The following ZNF33B variants were observed in gnomAD, a reference collection of about 807,000 sequenced individuals.
The protein encoded by ZNF33B is zinc finger protein 11b (KOX 2).
In ZNF33B, 29 loss-of-function variants were observed where a neutral mutation model predicts 45.8. The ratio of observed to expected loss-of-function variants is 0.63; its 90% CI spans 0.47 to 0.86. ZNF33B has a LOEUF of 0.86. Among genes scored for constraint, ZNF33B ranks in the 40% least tolerant of loss-of-function variants. ZNF33B has a pLI of 0.00. For missense variants in ZNF33B, 831 were observed against 909.9 expected (o/e 0.91, Z 1.12); for synonymous variants, 305 against 307.8 (o/e 0.99, Z 0.10).
intron 4 of ZNF33B, among the ~76,000 whole-genome samples, chr10:42,609,970 G>C (rs889792754): frequency 6.6e-6 from 1 of 151,920 alleles, no homozygotes; most frequent in Non-Finnish European, 1.5e-5. Context: ...AATAATGAAA[G>C]GTACAATGAT....
At position 42,593,603 on chromosome 10, in the gene ZNF33B, G is replaced by C. The variant is rs762064903; in HGVS notation, c.1347C>G (p.Ser449=). Residue 449 remains serine, a synonymous_variant, in exon 5 of 5, where the codon TCC becomes TCG. Coordinates refer to ENST00000359467, the MANE Select transcript of ZNF33B (RefSeq NM_006955.3). ...CTGTAAGGTGTGAATTCATACAGAA[G>C]GATTTTCCACATTCATAACATTCAT... ...KPYECYECGK[S]FCMNSHLTVH... The C allele has an allele frequency of 6.2e-7, 1 of 1,613,932 alleles. No individual in the cohort carries two copies. Among genetic ancestry groups the C allele is most frequent in the East Asian group, 2.2e-5 (1 of 44,874 alleles).
chr10:42,581,684 T>C (rs1471519435), intron 1 of ZNF33B: 1 of 152,114 alleles, frequency 6.6e-6, no homozygotes, highest in Non-Finnish European at 1.5e-5. Context: ...TGAAGTGACA[T>C]ATTGAGAGAA....
intron 4 of ZNF33B, among the ~76,000 whole-genome samples, chr10:42,611,789 T>C (rs926565561): frequency 5.9e-5 from 9 of 152,292 alleles, no homozygotes; most frequent in Middle Eastern, 3.4e-3. Flanking sequence ...AAAAAAGGAA[T>C]TGATTTTTCT....
At chr10:42,610,877 A>C (rs1838070535) in intron 4 of ZNF33B, among the ~76,000 whole-genome samples, 1 of 152,360 alleles carries the variant, frequency 6.6e-6, no homozygotes, top group Admixed American at 6.5e-5. Context: ...GAAAGTTAGA[A>C]GACATACACT....
chr10:42,623,168 G>A (rs1391574440), intron 4 of ZNF33B, among the ~76,000 whole-genome samples: 1 of 152,232 alleles, frequency 6.6e-6, no homozygotes, highest in African/African-American at 2.4e-5. Flanking sequence ...TCGGGAAGCT[G>A]AGGCAGGAGA....
At chr10:42,603,389 T>C (rs1380905313) in intron 4 of ZNF33B, among the ~76,000 whole-genome samples, 1 of 152,126 alleles carries the variant, frequency 6.6e-6, no homozygotes, top group Non-Finnish European at 1.5e-5. Flanking sequence ...AGGGTAGCAG[T>C]TCTATGACAG....
At chr10:42,606,464 CA>C (rs1837856048) in intron 4 of ZNF33B, among the ~76,000 whole-genome samples, 1 of 151,782 alleles carries the variant, frequency 6.6e-6, no homozygotes, top group Admixed American at 6.6e-5. Flanking sequence ...GACTCCATCT[CA>C]GGGGGAAAAA....
chr10:42,609,655 T>C (rs953976179), intron 4 of ZNF33B, among the ~76,000 whole-genome samples: 2 of 152,142 alleles, frequency 1.3e-5, no homozygotes, highest in Non-Finnish European at 2.9e-5. Flanking sequence ...TACAGACCTA[T>C]AAATCCTCAA....
chr10:42,594,784 G>A, intron 4 of ZNF33B, 85 bp from the exon 5 acceptor site: 1 of 1,403,576 alleles, frequency 7.1e-7, no homozygotes, highest in Non-Finnish European at 9.3e-7. Flanking sequence ...GCCCTATGTT[G>A]TAGCTGACTC....
downstream of ZNF33B, among the ~76,000 whole-genome samples, chr10:42,585,795 C>T (rs1031018409): frequency 6.6e-6 from 1 of 152,198 alleles, no homozygotes; most frequent in Non-Finnish European, 1.5e-5. Flanking sequence ...GTTTAAGCCT[C>T]TTGGTTGTCT....
rs1204201658 is a variant in ZNF33B at position 42,636,908 on chromosome 10, T to C, written c.9+12A>G. On this transcript the variant is annotated intron_variant, in intron 2 of 4. Transcript: ENST00000359467. ...ACCGCAAAATAAAGTAGGGAATTAATAAACAACTTACCTTGTTCATTTTGT... is the reference window on the plus strand; with the variant it reads ...ACCGCAAAATAAAGTAGGGAATTAACAAACAACTTACCTTGTTCATTTTGT... The C allele has an allele frequency of 3.7e-6, 6 of 1,614,210 alleles. No homozygotes were observed. Among genetic ancestry groups the C allele is most frequent in the Non-Finnish European group, 5.1e-6 (6 of 1,180,020 alleles).
At chr10:42,620,759 A>G (rs6593439) in intron 4 of ZNF33B, among the ~76,000 whole-genome samples, 3,204 of 152,066 alleles carry the variant, frequency 0.021, 81 homozygotes, top group African/African-American at 0.063. Context: ...TTAAAATCCA[A>G]AGACACAAAT....
chr10:42,595,758 A>C (rs187940662), intron 4 of ZNF33B, among the ~76,000 whole-genome samples: 9 of 152,306 alleles, frequency 5.9e-5, no homozygotes, highest in Admixed American at 1.3e-4. Context: ...GTGTAAGGAC[A>C]CCAGAAGAAA....
intron 4 of ZNF33B, among the ~76,000 whole-genome samples, chr10:42,612,504 G>A (rs1260544611): frequency 6.6e-6 from 1 of 152,042 alleles, no homozygotes; most frequent in Non-Finnish European, 1.5e-5. Flanking sequence ...CCAAAGTGCT[G>A]GGATTACAGG....
chr10:42,615,442 T>C (rs934374024), intron 4 of ZNF33B, among the ~76,000 whole-genome samples: 2 of 152,194 alleles, frequency 1.3e-5, no homozygotes, highest in Non-Finnish European at 2.9e-5. Flanking sequence ...CTTGAATATG[T>C]TATGCTAAGA....
At position 42,592,267 on chromosome 10, in the gene ZNF33B, A is replaced by C; in HGVS notation, c.*346T>G. The C allele has an allele frequency of 2.2e-6, 1 of 458,284 alleles. No individual in the cohort carries two copies. The highest frequency in any genetic ancestry group is 3.1e-6 in the Non-Finnish European group (1 of 323,724). 28.4% of individuals were successfully genotyped at this position (458,284 alleles called of 1,614,324 possible). A position where few individuals can be genotyped will look rare whatever the true frequency, so the allele number is the denominator to read the frequency against. ...TTGTCATATTTTATTTCTAAGCAAA[A>C]TTTTCACTTTAGATTTCTTAAATTG... On this transcript the variant is annotated 3_prime_UTR_variant, in exon 5 of 5. Coordinates refer to ENST00000359467, the MANE Select transcript of ZNF33B (RefSeq NM_006955.3).
intron 2 of ZNF33B, among the ~76,000 whole-genome samples, chr10:42,636,048 G>A (rs1484152955): frequency 2.0e-5 from 3 of 152,050 alleles, no homozygotes; most frequent in African/African-American, 7.3e-5. Flanking sequence ...AGAATTGCTT[G>A]AACCCAGGAG....
At chr10:42,616,404 A>G (rs985072839) in intron 4 of ZNF33B, among the ~76,000 whole-genome samples, 1 of 152,176 alleles carries the variant, frequency 6.6e-6, no homozygotes, top group African/African-American at 2.4e-5. Flanking sequence ...TAAATAACAC[A>G]ACTGATATGC....
At chr10:42,629,770 A>C (rs922294136) in intron 4 of ZNF33B, among the ~76,000 whole-genome samples, 1 of 152,046 alleles carries the variant, frequency 6.6e-6, no homozygotes, top group Non-Finnish European at 1.5e-5. Context: ...TTAGTTACCT[A>C]AATATTATTT....
Sources: gnomAD v4.1 joint callset for allele counts (sites outside exome capture counted in the v4.1 genomes callset) on GRCh38, gnomAD v4.1.1 for gene constraint, MANE v1.5 for transcripts, NCBI Gene and HGNC (gene_info 2026-07-23, HGNC 2026-07-21) for gene names.